The following PTPRA variants were observed in gnomAD, a reference collection of about 807,000 sequenced individuals.
The protein encoded by PTPRA is protein tyrosine phosphatase receptor type A.
PTPRA carries 25 observed loss-of-function variants against 104.8 expected under a neutral mutation model. The observed-to-expected ratio is 0.24, with a 90% CI of 0.17 to 0.33. The LOEUF (loss-of-function observed/expected upper bound fraction) is 0.33, where lower values mean the gene tolerates loss of function less well. Ranked by LOEUF, PTPRA falls within the 10% of genes least tolerant of loss-of-function variation. The pLI is 1.00. For missense variants in PTPRA, 765 were observed against 1,015.3 expected, an observed-to-expected ratio of 0.75 and a Z score of 3.35; for synonymous variants, 323 against 368.9, an observed-to-expected ratio of 0.88 and a Z score of 1.43.
At position 2,991,365 on chromosome 20, in the gene PTPRA, C is replaced by CA. The variant is rs149732091; in HGVS notation, c.738+2909dup. ...GGGCGACAAGAGTGAAACTCCATCT[C>CA]AAAAAAAAAAAAAAAAAATTTACCA... is the stretch of plus-strand genomic sequence containing the variant. On this transcript the variant is annotated intron_variant, in intron 9 of 23. Coordinates refer to ENST00000399903, the MANE Select transcript of PTPRA (RefSeq NM_001385305.1). Among the ~76,000 whole-genome samples, 322 of 101,176 alleles carry CA rather than the reference C, an allele frequency of 3.2e-3. 1 individual carries two copies. The highest frequency in any genetic ancestry group is 0.011 in the East Asian group (38 of 3,530). The allele number at this position is 101,176 out of a possible 152,430, so 66.4% of individuals were successfully genotyped here. A position where few individuals can be genotyped will look rare whatever the true frequency, so the allele number is the denominator to read the frequency against.
intron 11 of PTPRA, among the ~76,000 whole-genome samples, chr20:3,011,821 C>G (rs571120106): frequency 5.9e-5 from 9 of 152,216 alleles, no homozygotes; most frequent in Admixed American, 1.3e-4. Flanking sequence ...GTGAGCCAAG[C>G]TCAGATGCTG....
intron 3 of PTPRA, among the ~76,000 whole-genome samples, chr20:2,953,378 C>T (rs1217345216): frequency 2.0e-5 from 3 of 151,966 alleles, no homozygotes; most frequent in South Asian, 2.1e-4. Context: ...CCTCAGCCTC[C>T]GAGTAGCTGG....
chr20:2,886,900 A>C (rs1475247071), intron 1 of PTPRA, among the ~76,000 whole-genome samples: 1 of 123,488 alleles, frequency 8.1e-6, no homozygotes, highest in African/African-American at 2.7e-5. Flanking sequence ...GAAATAAAAA[A>C]ATGTAGTATC....
At chr20:2,870,384 A>G (rs1015797035), upstream of PTPRA, among the ~76,000 whole-genome samples, 1 of 152,196 alleles carries the variant, frequency 6.6e-6, no homozygotes, top group Non-Finnish European at 1.5e-5. Context: ...AAAAGAAAAA[A>G]AAAACTCGGG....
Position 3,021,418 on chromosome 20 carries a change from G to A in PTPRA, c.1151G>A (p.Cys384Tyr). The A allele has an allele frequency of 1.4e-5, 22 of 1,614,016 alleles. No individual in the cohort carries two copies. The highest frequency in any genetic ancestry group is 1.9e-5 in the Non-Finnish European group (22 of 1,179,890). Residue 384 changes from cysteine (C) to tyrosine (Y), a missense_variant, in exon 14 of 24, where the codon TGC (cysteine) becomes TAC (tyrosine). By Grantham distance (194) the Cys-to-Tyr change is radical (BLOSUM62 -2). Around this residue, in one of 4 missense-constraint regions of PTPRA, gnomAD observed 245 missense variants for 398.7 expected, o/e 0.61. Coordinates refer to ENST00000399903, the MANE Select transcript of PTPRA (RefSeq NM_001385305.1). ...GTGGACTACACAGTACGGAAGTTCTGCATCCAGCAGGTAGTGTCTCCTCTG... is the reference window on the plus strand; with the variant it reads ...GTGGACTACACAGTACGGAAGTTCTACATCCAGCAGGTAGTGTCTCCTCTG... ...VLVDYTVRKF[C>Y]IQQVGDMTNR...
At chr20:2,990,468 A>G (rs765764254) in intron 9 of PTPRA, among the ~76,000 whole-genome samples, 1 of 152,180 alleles carries the variant, frequency 6.6e-6, no homozygotes, top group Admixed American at 6.5e-5. Flanking sequence ...CTATAATCCC[A>G]ACACTTTGAG....
Position 3,015,877 on chromosome 20 carries a change from C to T in PTPRA, c.935C>T (p.Ala312Val), listed in dbSNP as rs1007738347. The change falls in exon 12 of 24, where the codon GCT (alanine) becomes GTT (valine). Residue 312 changes from alanine to valine, a missense_variant. This residue lies in a region of PTPRA where 245 missense variants were observed against 398.7 expected (regional missense o/e 0.61). Transcript: ENST00000399903. ...NGYQEKNKFI[A>V]AQGPKEETVN... is the part of the protein sequence containing the mutation. ...TACCAAGAAAAGAACAAATTCATTG[C>T]TGCACAAGGTAAAGTAATGACAACT... The T allele has an allele frequency of 3.8e-6, 6 of 1,566,836 alleles. No individual in the cohort carries two copies. Among genetic ancestry groups the T allele is most frequent in the Non-Finnish European group, 5.3e-6 (6 of 1,137,530 alleles).
intron 1 of PTPRA, among the ~76,000 whole-genome samples, chr20:2,917,053 G>A (rs2059929131): frequency 6.7e-6 from 1 of 150,316 alleles, no homozygotes; most frequent in South Asian, 2.1e-4. Flanking sequence ...CATCTCCCAG[G>A]TTCAAGCAAT....
At chr20:2,866,231 T>C in the PTPRA span, 1 of 1,614,124 alleles carries the variant, frequency 6.2e-7, no homozygotes, top group African/African-American at 1.3e-5. Context: ...GAGATCTGCA[T>C]GAAACAACAT....
intron 9 of PTPRA, among the ~76,000 whole-genome samples, chr20:3,002,996 C>T (rs894649987): frequency 6.6e-6 from 1 of 152,170 alleles, no homozygotes; most frequent in African/African-American, 2.4e-5. Context: ...AGATGCTGTT[C>T]TCTGTGTCTG....
chr20:2,897,380 A>ATT (rs2059042072), intron 1 of PTPRA, among the ~76,000 whole-genome samples: 2 of 123,386 alleles, frequency 1.6e-5, no homozygotes, highest in African/African-American at 6.5e-5. Flanking sequence ...ATCACTTGGC[A>ATT]TTTCTTTTTT....
intron 1 of PTPRA, among the ~76,000 whole-genome samples, chr20:2,882,811 A>G (rs1047485833): frequency 1.3e-5 from 2 of 152,140 alleles, no homozygotes; most frequent in African/African-American, 2.4e-5. Context: ...TTACTTCTCT[A>G]TGGGCAGGCT....
At chr20:2,951,059 T>C (rs577762276) in intron 3 of PTPRA, among the ~76,000 whole-genome samples, 68 of 152,294 alleles carry the variant, frequency 4.5e-4, no homozygotes, top group African/African-American at 1.6e-3. Context: ...AATCATGTAG[T>C]ATAGTATTAA....
the PTPRA span, chr20:2,864,287 G>A: frequency 4.0e-5 from 64 of 1,614,178 alleles, no homozygotes; most frequent in East Asian, 1.3e-3. This position sits in a 1 kb window ranked among gnomAD's most constrained non-coding sequence, Gnocchi z 5.2. Flanking sequence ...CACTGACCTG[G>A]GTGAGGGCAA....
intron 1 of PTPRA, among the ~76,000 whole-genome samples, chr20:2,894,608 AT>A (rs11479678): frequency 0.19 from 27,914 of 147,662 alleles, 3,779 homozygotes; most frequent in African/African-American, 0.39. Context: ...GTGCTGGCCA[AT>A]TTTTTTTTTT....
At chr20:2,953,345 C>T (rs543105217) in intron 3 of PTPRA, among the ~76,000 whole-genome samples, 2 of 152,026 alleles carry the variant, frequency 1.3e-5, no homozygotes, top group Non-Finnish European at 2.9e-5. Context: ...ACCTCTGCCC[C>T]CCGGGTTCAA....
intron 9 of PTPRA, among the ~76,000 whole-genome samples, chr20:2,991,630 A>G (rs939144045): frequency 6.6e-6 from 1 of 152,232 alleles, no homozygotes; most frequent in Admixed American, 6.5e-5. Context: ...AAGGTATTTC[A>G]GTAAATCCCT....
intron 2 of PTPRA, among the ~76,000 whole-genome samples, chr20:2,947,238 G>A (rs894236362): frequency 1.3e-5 from 2 of 152,092 alleles, no homozygotes; most frequent in Non-Finnish European, 2.9e-5. Flanking sequence ...ATGGATTGTA[G>A]AGCTTAAATT....
upstream of PTPRA, among the ~76,000 whole-genome samples, chr20:2,868,737 A>G (rs185730634): frequency 6.2e-4 from 91 of 146,902 alleles, no homozygotes; most frequent in African/African-American, 2.0e-3. Context: ...CGAGTTCTCA[A>G]TGAAAAAGGA....
Sources: gnomAD v4.1 joint callset for allele counts (sites outside exome capture counted in the v4.1 genomes callset) on GRCh38, gnomAD v4.1.1 for gene constraint, gnomAD v4.1.1 regional missense constraint, Gnocchi (gnomAD v3.1) non-coding constraint, MANE v1.5 for transcripts, NCBI Gene and HGNC (gene_info 2026-07-23, HGNC 2026-07-21) for gene names.